SYT1: variants seen among roughly 807,000 people sequenced by gnomAD.
SYT1 encodes synaptotagmin 1.
In SYT1, 8 loss-of-function variants were observed where a neutral mutation model predicts 44.8. The observed-to-expected ratio is 0.18, with a 90% CI of 0.10 to 0.32. The LOEUF (loss-of-function observed/expected upper bound fraction) is 0.32, where lower values mean the gene tolerates loss of function less well. SYT1 is among the 10% of genes least tolerant of loss of function. The pLI is 1.00. For synonymous variants in SYT1, 154 were observed against 188.8 expected, an observed-to-expected ratio of 0.82 and a Z score of 1.51; for missense variants, 286 against 509.3, an observed-to-expected ratio of 0.56 and a Z score of 4.22.
chr12:79,276,792 G>C (rs1376564394), intron 4 of SYT1, among the ~76,000 whole-genome samples: 1 of 151,882 alleles, frequency 6.6e-6, no homozygotes, highest in East Asian at 1.9e-4. Flanking sequence ...GAAATTAAGA[G>C]CTTGAAGATG....
chr12:79,144,450 T>C (rs562606521), intron 3 of SYT1, among the ~76,000 whole-genome samples: 5 of 152,320 alleles, frequency 3.3e-5, no homozygotes, highest in South Asian at 2.1e-4. Flanking sequence ...TCAGCCCACA[T>C]TGGGATAAGG....
At chr12:79,326,508 G>A (rs750882146) in intron 8 of SYT1, among the ~76,000 whole-genome samples, 1 of 152,206 alleles carries the variant, frequency 6.6e-6, no homozygotes, top group African/African-American at 2.4e-5. Flanking sequence ...AAACTTAGGG[G>A]GTTGTTCTTT....
At chr12:79,413,554 T>C (rs1868557468) in intron 9 of SYT1, among the ~76,000 whole-genome samples, 1 of 152,212 alleles carries the variant, frequency 6.6e-6, no homozygotes, top group Non-Finnish European at 1.5e-5. Flanking sequence ...ATATGCCAAA[T>C]AGCTGTTTGT....
At chr12:78,979,642 T>G (rs1269726937) in intron 2 of SYT1, among the ~76,000 whole-genome samples, 1 of 152,132 alleles carries the variant, frequency 6.6e-6, no homozygotes, top group African/African-American at 2.4e-5. Context: ...TTTTCATTAC[T>G]TGGCTGCAAA....
At chr12:79,178,558 G>A (rs952287154) in intron 3 of SYT1, among the ~76,000 whole-genome samples, 2 of 151,430 alleles carry the variant, frequency 1.3e-5, no homozygotes, top group African/African-American at 4.9e-5. Context: ...TTTTTCCTAT[G>A]GGCAATGATA....
intron 1 of SYT1, among the ~76,000 whole-genome samples, chr12:78,948,498 C>T (rs961505105): frequency 6.6e-5 from 10 of 151,840 alleles, no homozygotes; most frequent in African/African-American, 2.4e-4. Flanking sequence ...ACTCTAATTG[C>T]TGGTCATTTT....
chr12:79,088,266 C>T (rs1236571864), intron 3 of SYT1, among the ~76,000 whole-genome samples: 1 of 151,860 alleles, frequency 6.6e-6, no homozygotes, highest in Admixed American at 6.6e-5. Context: ...TTCTAGATAA[C>T]AAGAAGTTGG....
chr12:78,966,607 G>C (rs552022353), intron 1 of SYT1, among the ~76,000 whole-genome samples: 2 of 152,058 alleles, frequency 1.3e-5, no homozygotes, highest in African/African-American at 4.8e-5. Context: ...ACTTATATCA[G>C]GTAAGTCAGA....
chr12:79,133,695 T>C (rs904176039), intron 3 of SYT1, among the ~76,000 whole-genome samples: 3 of 152,262 alleles, frequency 2.0e-5, no homozygotes, highest in African/African-American at 4.8e-5. Flanking sequence ...CAGAACTTAA[T>C]GGCAGGTACA....
intron 1 of SYT1, among the ~76,000 whole-genome samples, chr12:78,949,612 A>C (rs1878856568): frequency 6.6e-6 from 1 of 152,066 alleles, no homozygotes; most frequent in Non-Finnish European, 1.5e-5. Flanking sequence ...TGCTATAGAA[A>C]ATATCCAAGA....
At chr12:79,186,213 A>T (rs1872792070) in intron 3 of SYT1, among the ~76,000 whole-genome samples, 2 of 152,006 alleles carry the variant, frequency 1.3e-5, no homozygotes, top group African/African-American at 4.8e-5. Flanking sequence ...TTACTTTATC[A>T]ATTCTAGACA....
At chr12:79,137,052 T>C (rs1054436557) in intron 3 of SYT1, among the ~76,000 whole-genome samples, 3 of 152,164 alleles carry the variant, frequency 2.0e-5, no homozygotes, top group African/African-American at 7.2e-5. Flanking sequence ...TAACATTTAT[T>C]ATTCAATAAA....
chr12:79,019,009 T>C (rs1389103558), intron 2 of SYT1, among the ~76,000 whole-genome samples: 1 of 152,092 alleles, frequency 6.6e-6, no homozygotes, highest in Admixed American at 6.6e-5. Context: ...TAGCTATTCG[T>C]CAAATTCCTA....
chr12:79,016,513 T>C (rs1345982705), intron 2 of SYT1, among the ~76,000 whole-genome samples: 2 of 152,152 alleles, frequency 1.3e-5, no homozygotes, highest in African/African-American at 2.4e-5. Context: ...ACATAGAGGT[T>C]AGTTTTTCAG....
At chr12:79,282,971 C>A (rs1459704841) in intron 4 of SYT1, among the ~76,000 whole-genome samples, 2 of 152,208 alleles carry the variant, frequency 1.3e-5, no homozygotes, top group East Asian at 3.9e-4. Context: ...ACAAATACTG[C>A]AGATGAATAA....
chr12:79,263,336 T>G (rs1877941479), intron 4 of SYT1, among the ~76,000 whole-genome samples: 2 of 151,964 alleles, frequency 1.3e-5, no homozygotes, highest in South Asian at 4.1e-4. Context: ...AATACTTAAT[T>G]TAAAATAAAT....
intron 1 of SYT1, chr12:78,960,433 A>C (rs1314446003): frequency 1.3e-5 from 2 of 152,214 alleles, no homozygotes; most frequent in Admixed American, 1.3e-4. Context: ...TTTATCCCTA[A>C]GTTTCCCTTA....
chr12:79,159,418 G>A (rs575818497), intron 3 of SYT1, among the ~76,000 whole-genome samples: 3 of 152,266 alleles, frequency 2.0e-5, no homozygotes, highest in South Asian at 2.1e-4. Flanking sequence ...GCTTTCCAAG[G>A]TTTCAGTTAC....
chr12:79,078,707 C>T (rs1056702827), intron 3 of SYT1, among the ~76,000 whole-genome samples: 1 of 152,060 alleles, frequency 6.6e-6, no homozygotes. Context: ...TACCCACCCC[C>T]AAAAGGCCCC....
Sources: gnomAD v4.1 joint callset for allele counts (sites outside exome capture counted in the v4.1 genomes callset) on GRCh38, gnomAD v4.1.1 for gene constraint, MANE v1.5 for transcripts, NCBI Gene and HGNC (gene_info 2026-07-23, HGNC 2026-07-21) for gene names.